Variants in ZCCHC2 observed in about 807,000 individuals in gnomAD.
ZCCHC2 encodes the protein zinc finger CCHC domain-containing protein 2.
In ZCCHC2, 39 loss-of-function variants were observed where a neutral mutation model predicts 103.6. The observed-to-expected ratio is 0.38, with a 90% CI of 0.29 to 0.49. The LOEUF (loss-of-function observed/expected upper bound fraction) is 0.49. Ranked by LOEUF, ZCCHC2 falls within the 20% of genes least tolerant of loss-of-function variation. The pLI, the probability that ZCCHC2 is intolerant of heterozygous loss-of-function variation, is 0.96. For synonymous variants in ZCCHC2, 687 were observed against 608.9 expected, an observed-to-expected ratio of 1.13 and a Z score of -1.89; for missense variants, 1,483 against 1,491.0, an observed-to-expected ratio of 0.99 and a Z score of 0.09.
At chr18:62,557,801 A>T (rs1311870007) in intron 6 of ZCCHC2, among the ~76,000 whole-genome samples, 1 of 152,234 alleles carries the variant, frequency 6.6e-6, no homozygotes, top group Non-Finnish European at 1.5e-5. Context: ...TTCATATATA[A>T]GTAATAAACT....
At chr18:62,547,197 G>T (rs980661345) in intron 4 of ZCCHC2, among the ~76,000 whole-genome samples, 1 of 151,846 alleles carries the variant, frequency 6.6e-6, no homozygotes, top group Admixed American at 6.6e-5. Context: ...ATGGTGGCGG[G>T]CGCCTGTAAT....
Position 62,575,029 on chromosome 18 carries a change from G to A in ZCCHC2, c.2948G>A (p.Ser983Asn). Residue 983 changes from serine to asparagine, a missense_variant, in exon 13 of 14, where the codon AGT becomes AAT. Transcript: ENST00000269499. ...GCCTTGACACACAGTACCGCGCAGA[G>A]TGACAGCACCTCTTACATCAGTGCT... ...SPALTHSTAQ[S>N]DSTSYISAVG... The A allele has an allele frequency of 6.2e-7, 1 of 1,614,024 alleles. No individual in the cohort carries two copies. The highest frequency in any genetic ancestry group is 8.5e-7 in the Non-Finnish European group (1 of 1,179,898).
intron 6 of ZCCHC2, chr18:62,558,405 C>A (rs1193242056): frequency 5.1e-6 from 1 of 197,918 alleles, no homozygotes; most frequent in African/African-American, 2.3e-5. Context: ...AAGCACCTTT[C>A]TACTTTATTT....
intron 4 of ZCCHC2, among the ~76,000 whole-genome samples, chr18:62,548,518 T>C (rs527991197): frequency 3.9e-5 from 6 of 152,350 alleles, no homozygotes; most frequent in South Asian, 2.1e-4. Flanking sequence ...TGTACAGATA[T>C]TCAGTATAAA....
intron 8 of ZCCHC2, among the ~76,000 whole-genome samples, chr18:62,561,158 A>G (rs1348278957): frequency 1.3e-5 from 2 of 152,184 alleles, no homozygotes. Context: ...CTTCCAACTG[A>G]AGAACACTTG....
intron 1 of ZCCHC2, among the ~76,000 whole-genome samples, chr18:62,538,504 C>A (rs932271857): frequency 6.6e-6 from 1 of 152,106 alleles, no homozygotes; most frequent in African/African-American, 2.4e-5. Context: ...TTCATATCTG[C>A]ATTTTTAAAA....
downstream of ZCCHC2, among the ~76,000 whole-genome samples, chr18:62,580,706 C>G (rs12956198): frequency 3.1e-3 from 1 of 322 alleles, no homozygotes; most frequent in South Asian, 0.071. Flanking sequence ...TGTGGAAGGC[C>G]AGGTGGACCC....
chr18:62,560,828 T>C (rs1916085725), intron 8 of ZCCHC2, among the ~76,000 whole-genome samples, 184 bp downstream of exon 8: 1 of 151,932 alleles, frequency 6.6e-6, no homozygotes, highest in African/African-American at 2.4e-5. Flanking sequence ...TTTTCTTCTG[T>C]GGTTTTTTTT....
chr18:62,530,541 C>T (rs146554489), intron 1 of ZCCHC2, among the ~76,000 whole-genome samples: 1 of 151,846 alleles, frequency 6.6e-6, no homozygotes, highest in Non-Finnish European at 1.5e-5. Flanking sequence ...TAATAAAAAT[C>T]CTTATAGTGG....
At chr18:62,568,211 T>C (rs1213607542) in intron 11 of ZCCHC2, among the ~76,000 whole-genome samples, 1 of 152,210 alleles carries the variant, frequency 6.6e-6, no homozygotes, top group Non-Finnish European at 1.5e-5. Context: ...CCAGTATTTT[T>C]AGTGTTAGAA....
intron 1 of ZCCHC2, chr18:62,539,396 G>A: frequency 3.5e-6 from 1 of 283,164 alleles, no homozygotes; most frequent in Non-Finnish European, 6.8e-6. Flanking sequence ...CATTTGTTAT[G>A]TGTTCCTTTG....
At chr18:62,582,276 G>A (rs1917056130), downstream of ZCCHC2, among the ~76,000 whole-genome samples, 1 of 152,230 alleles carries the variant, frequency 6.6e-6, no homozygotes, top group Non-Finnish European at 1.5e-5. Flanking sequence ...CTAAGGTGTT[G>A]GCCGTGGGAA....
chr18:62,535,327 C>T (rs1403352964), intron 1 of ZCCHC2, among the ~76,000 whole-genome samples: 1 of 152,150 alleles, frequency 6.6e-6, no homozygotes, highest in African/African-American at 2.4e-5. Flanking sequence ...AGATGTTTTC[C>T]TTCTGTAGTG....
At chr18:62,536,352 T>A (rs1598933479) in intron 1 of ZCCHC2, among the ~76,000 whole-genome samples, 1 of 152,230 alleles carries the variant, frequency 6.6e-6, no homozygotes, top group Admixed American at 6.5e-5. Flanking sequence ...TTAGAATCTT[T>A]AAACCCTGCT....
Position 62,550,357 on chromosome 18 carries a change from G to C in ZCCHC2, c.1210G>C (p.Glu404Gln), listed in dbSNP as rs761898836. Residue 404 changes from glutamate (E) to glutamine (Q), a missense_variant, in exon 5 of 14, where the codon GAA becomes CAA. Transcript: ENST00000269499. ...LQEFLLKLPK[E>Q]LSSETFDKTI... Reference sequence around the variant, plus strand: ...GGTTTTTCTTTTCTAGCTTCCAAAGGAACTGTCTTCAGAGACTTTTGACAA... The same window carrying C: ...GGTTTTTCTTTTCTAGCTTCCAAAGCAACTGTCTTCAGAGACTTTTGACAA... The C allele has an allele frequency of 1.2e-6, 2 of 1,612,596 alleles. No individual in the cohort carries two copies. Among genetic ancestry groups the C allele is most frequent in the African/African-American group, 2.7e-5 (2 of 74,846 alleles).
At chr18:62,553,551 C>G (rs1166818163) in intron 5 of ZCCHC2, among the ~76,000 whole-genome samples, 1 of 152,078 alleles carries the variant, frequency 6.6e-6, no homozygotes, top group East Asian at 1.9e-4. Context: ...GGTATATATT[C>G]TTAACACATA....
intron 1 of ZCCHC2, among the ~76,000 whole-genome samples, chr18:62,539,298 T>TA (rs1456888170): frequency 6.6e-6 from 1 of 152,210 alleles, no homozygotes; most frequent in Admixed American, 6.5e-5. Context: ...AGACTGTTAT[T>TA]AAAACCAAAC....
chr18:62,558,547 T>G (rs1256916736), intron 6 of ZCCHC2, 140 bp from the exon 7 acceptor site: 3 of 509,032 alleles, frequency 5.9e-6, no homozygotes, highest in Non-Finnish European at 7.0e-6. Flanking sequence ...GGCTGTGTCA[T>G]CTTGCCTTCT....
downstream of ZCCHC2, among the ~76,000 whole-genome samples, chr18:62,580,383 G>C (rs1338572225): frequency 6.6e-6 from 1 of 152,204 alleles, no homozygotes; most frequent in Admixed American, 6.5e-5. Context: ...GCAGCGGCTG[G>C]GTTGTAGGAC....
Sources: allele counts gnomAD v4.1 joint callset (sites outside exome capture counted in the v4.1 genomes callset), GRCh38; gene constraint gnomAD v4.1.1; transcripts MANE v1.5; gene names NCBI Gene and HGNC (gene_info 2026-07-23, HGNC 2026-07-21).